Variants in UROC1 observed in about 807,000 individuals in gnomAD.
UROC1 encodes urocanate hydratase.
UROC1 carries 79 observed loss-of-function variants against 89.5 expected under a neutral mutation model. The observed-to-expected ratio is 0.88, with a 90% confidence interval of 0.74 to 1.06. UROC1 has a LOEUF of 1.06. Ranked by LOEUF, UROC1 falls within the 50% of genes least tolerant of loss-of-function variation. The pLI, the probability that UROC1 is intolerant of heterozygous loss-of-function variation, is 0.00. For missense variants in UROC1, 885 were observed against 907.8 expected, an observed-to-expected ratio of 0.97 and a Z score of 0.32; for synonymous variants, 361 against 354.8, an observed-to-expected ratio of 1.02 and a Z score of -0.20.
At chr3:126,496,860 C>T (rs1935789027) in intron 14 of UROC1, among the ~76,000 whole-genome samples, 2 of 152,298 alleles carry the variant, frequency 1.3e-5, no homozygotes, top group South Asian at 2.1e-4. Flanking sequence ...GTGGAGATGC[C>T]GCAGGGCATG....
At chr3:126,505,676 G>A (rs773076999) in intron 8 of UROC1, 25 bp downstream of exon 8, 31 of 1,612,976 alleles carry the variant, frequency 1.9e-5, no homozygotes, top group Middle Eastern at 3.3e-4. Flanking sequence ...AGGCAGGAGC[G>A]AAGGCCAGGA....
At chr3:126,506,328 T>C (rs1347078953) in intron 6 of UROC1, among the ~76,000 whole-genome samples, 3 of 152,182 alleles carry the variant, frequency 2.0e-5, no homozygotes, top group African/African-American at 7.2e-5. Context: ...CCACACTACA[T>C]GCTTACGCCA....
At chr3:126,496,987 T>C (rs2107540170) in intron 14 of UROC1, among the ~76,000 whole-genome samples, 1 of 152,236 alleles carries the variant, frequency 6.6e-6, no homozygotes, top group South Asian at 2.1e-4. Context: ...GGGCTGGTCG[T>C]TCCCCACTGG....
At chr3:126,514,667 T>G (rs1025112141) in intron 1 of UROC1, among the ~76,000 whole-genome samples, 2 of 152,006 alleles carry the variant, frequency 1.3e-5, no homozygotes, top group African/African-American at 4.8e-5. Flanking sequence ...GCTTGTATTT[T>G]TAAGAGGGTT....
intron 1 of UROC1, 141 bp downstream of exon 1, chr3:126,517,453 C>T (rs539367477): frequency 1.3e-5 from 17 of 1,312,496 alleles, no homozygotes; most frequent in South Asian, 5.0e-5. Context: ...GCATTGCACC[C>T]GCACAGGCTG....
Position 126,498,134 on chromosome 3 carries a change from A to ACCCAG in UROC1, c.1350_1354dup (p.Val452AlafsTer31), listed in dbSNP as rs752757942. 1.9e-6 allele frequency: 3 copies of ACCCAG among 1,613,968 alleles called. No homozygotes were observed. The East Asian group carries it at 6.7e-5, about 36-fold the overall frequency. On this transcript the variant is annotated frameshift_variant, in exon 14 of 20. Transcript: ENST00000290868. LOFTEE classifies it high-confidence loss of function. ...GTCCTGGGGGTCCCCCGATGTGCAC[A>ACCCAG]CCCAGCGGAAAGGCCCAAATCCCTG...
rs777521668 is a variant in UROC1 at position 126,498,178 on chromosome 3, A to G, written c.1317-6T>C. On this transcript the variant is annotated splice_region_variant and splice_polypyrimidine_tract_variant and intron_variant, in intron 13 of 19. Transcript: ENST00000290868. ...ATCCCTGGGAGAATATGTCCCTGCAAGCACAGATGCCTCCTCACCCTGGGC... is the reference window on the plus strand; with the variant it reads ...ATCCCTGGGAGAATATGTCCCTGCAGGCACAGATGCCTCCTCACCCTGGGC... 8 of 1,614,146 alleles carry G rather than the reference A, an allele frequency of 5.0e-6. No individual in the cohort carries two copies. In the East Asian group the frequency reaches 1.8e-4, roughly 36 times the overall value.
Position 126,485,256 on chromosome 3 carries a change from C to T in UROC1, c.1791-1788G>A, listed in dbSNP as rs181413789. On this transcript the variant is annotated intron_variant, in intron 18 of 19. Transcript: ENST00000290868. ...GCGTTCGCTATCATCAGCTCATTTC[C>T]TCTTCACCCCTAGCCTACAAGGCAG... 4.3e-3 allele frequency among the ~76,000 whole-genome samples: 651 copies of T among 152,324 alleles called. 2 individuals carry two copies. Among genetic ancestry groups the T allele is most frequent in the Non-Finnish European group, 5.4e-3 (368 of 68,036 alleles).
At chr3:126,488,401 G>GCCCTGT in intron 17 of UROC1, 122 bp from the exon 18 acceptor site, 1 of 1,072,316 alleles carries the variant, frequency 9.3e-7, no homozygotes, top group Non-Finnish European at 1.4e-6. Flanking sequence ...CGGCAACTAG[G>GCCCTGT]CCCTAGGGAC....
At chr3:126,492,335 AG>A (rs1245111913) in intron 16 of UROC1, 82 bp downstream of exon 16, 7 of 1,327,698 alleles carry the variant, frequency 5.3e-6, no homozygotes, top group African/African-American at 2.9e-5. Flanking sequence ...GGTGCAGCCG[AG>A]GCACACGCAG....
intron 1 of UROC1, among the ~76,000 whole-genome samples, chr3:126,514,856 T>C (rs1370672351): frequency 1.3e-5 from 2 of 152,050 alleles, no homozygotes; most frequent in East Asian, 3.9e-4. Context: ...TGCCAAAAAA[T>C]AAGGCCCCGG....
chr3:126,490,009 C>T (rs547243640), intron 16 of UROC1, among the ~76,000 whole-genome samples: 2 of 152,242 alleles, frequency 1.3e-5, no homozygotes, highest in Non-Finnish European at 2.9e-5. Flanking sequence ...GGCTGATGGC[C>T]TGGAGGTGTT....
At chr3:126,492,800 G>A (rs1008588486) in intron 15 of UROC1, among the ~76,000 whole-genome samples, 3 of 152,134 alleles carry the variant, frequency 2.0e-5, no homozygotes, top group African/African-American at 7.2e-5. Flanking sequence ...TCCCCAGAGG[G>A]GCCTTGGAGC....
intron 18 of UROC1, among the ~76,000 whole-genome samples, chr3:126,487,433 C>T (rs1021985912): frequency 2.6e-4 from 40 of 152,252 alleles, no homozygotes; most frequent in Non-Finnish European, 5.6e-4. Flanking sequence ...CACCTGACTG[C>T]CGCAGTGCGG....
chr3:126,504,866 TC>T (rs1576725686), intron 8 of UROC1, among the ~76,000 whole-genome samples: 2 of 152,082 alleles, frequency 1.3e-5, no homozygotes, highest in African/African-American at 4.8e-5. Context: ...GATATATTTG[TC>T]CCCCAAACCT....
intron 9 of UROC1, 40 bp downstream of exon 9, chr3:126,503,955 G>A (rs1395699241): frequency 1.9e-6 from 3 of 1,610,174 alleles, no homozygotes; most frequent in Non-Finnish European, 2.5e-6. Flanking sequence ...GCTGCCACGT[G>A]TCAGGTGTCA....
intron 19 of UROC1, 146 bp from the exon 20 acceptor site, chr3:126,482,631 C>T (rs1198965271): frequency 3.2e-6 from 4 of 1,243,710 alleles, no homozygotes; most frequent in South Asian, 1.3e-5. Flanking sequence ...GCCCCATTTC[C>T]ACCCCCAGCT....
chr3:126,505,081 C>G (rs1358638096), intron 8 of UROC1, among the ~76,000 whole-genome samples: 1 of 152,192 alleles, frequency 6.6e-6, no homozygotes, highest in Non-Finnish European at 1.5e-5. Context: ...CACCGTGTGA[C>G]CCACCAGACC....
intron 2 of UROC1, 75 bp from the exon 3 acceptor site, chr3:126,509,753 C>T (rs1193722465): frequency 7.2e-7 from 1 of 1,396,648 alleles, no homozygotes; most frequent in Non-Finnish European, 9.9e-7. Context: ...CGCCCAGCCC[C>T]TGGCCGCTCA....
Sources: allele counts gnomAD v4.1 joint callset (sites outside exome capture counted in the v4.1 genomes callset), GRCh38; gene constraint gnomAD v4.1.1; transcripts MANE v1.5; gene names NCBI Gene and HGNC (gene_info 2026-07-23, HGNC 2026-07-21).